GPC5: variants seen among roughly 807,000 people sequenced by gnomAD.
GPC5 encodes the protein glypican 5.
Under a neutral mutation model 53.9 loss-of-function variants are expected in GPC5, and 47 were observed. The observed-to-expected ratio is 0.87, with a 90% CI of 0.69 to 1.11. The LOEUF is 1.11. Among genes scored for constraint, GPC5 ranks in the 50% most tolerant of loss-of-function variants. GPC5 has a pLI of 0.00. For synonymous variants in GPC5, 286 were observed against 263.3 expected, an observed-to-expected ratio of 1.09 and a Z score of -0.84; for missense variants, 748 against 713.1, an observed-to-expected ratio of 1.05 and a Z score of -0.56.
chr13:92,476,582 G>A (rs1879140107), intron 7 of GPC5, among the ~76,000 whole-genome samples: 1 of 150,556 alleles, frequency 6.6e-6, no homozygotes, highest in Non-Finnish European at 1.5e-5. Context: ...CTGCTATAAA[G>A]ACACATGCAC....
At chr13:92,718,257 T>G (rs1413185185) in intron 7 of GPC5, among the ~76,000 whole-genome samples, 1 of 152,112 alleles carries the variant, frequency 6.6e-6, no homozygotes, top group Non-Finnish European at 1.5e-5. Flanking sequence ...ACTACCATGT[T>G]TAGTGCAGCA....
intron 7 of GPC5, among the ~76,000 whole-genome samples, chr13:92,843,225 A>G (rs913740506): frequency 2.6e-5 from 4 of 152,320 alleles, no homozygotes; most frequent in Non-Finnish European, 2.9e-5. Flanking sequence ...ATTTGTATCA[A>G]TCATGAACTT....
At chr13:92,811,326 A>G (rs1474574447) in intron 7 of GPC5, among the ~76,000 whole-genome samples, 1 of 151,912 alleles carries the variant, frequency 6.6e-6, no homozygotes, top group Non-Finnish European at 1.5e-5. Context: ...CACATATTCC[A>G]CCATCGTAAT....
chr13:91,914,956 G>T (rs2139007924), intron 6 of GPC5, among the ~76,000 whole-genome samples: 3 of 152,222 alleles, frequency 2.0e-5, no homozygotes, highest in Middle Eastern at 6.8e-3. Context: ...TGATTGGTCA[G>T]TTGCTAATTG....
chr13:92,183,708 G>A (rs2042163595), intron 7 of GPC5, among the ~76,000 whole-genome samples: 1 of 151,704 alleles, frequency 6.6e-6, no homozygotes, highest in Admixed American at 6.6e-5. Flanking sequence ...ATGTAAATAT[G>A]GTATATTTCT....
At chr13:92,305,588 T>A (rs2043105446) in intron 7 of GPC5, among the ~76,000 whole-genome samples, 2 of 152,086 alleles carry the variant, frequency 1.3e-5, no homozygotes, top group African/African-American at 4.8e-5. Flanking sequence ...TTGAAGAACA[T>A]CATGAAAAAA....
intron 7 of GPC5, among the ~76,000 whole-genome samples, chr13:92,612,388 G>C (rs112105701): frequency 0.015 from 2,225 of 152,030 alleles, 42 homozygotes; most frequent in African/African-American, 0.039. Context: ...CATGGAAAAT[G>C]ATTCAAATCT....
At chr13:92,097,649 A>G (rs1214355520) in intron 6 of GPC5, among the ~76,000 whole-genome samples, 1 of 152,248 alleles carries the variant, frequency 6.6e-6, no homozygotes, top group African/African-American at 2.4e-5. Flanking sequence ...AGCCCATGAT[A>G]TAAAAGGGAG....
intron 7 of GPC5, among the ~76,000 whole-genome samples, chr13:92,553,171 C>A (rs1417345636): frequency 2.6e-5 from 4 of 151,946 alleles, no homozygotes; most frequent in African/African-American, 7.2e-5. Context: ...TCAATAAATA[C>A]AACCTTCAGA....
intron 2 of GPC5, among the ~76,000 whole-genome samples, chr13:91,587,612 A>G (rs567842885): frequency 1.3e-5 from 2 of 152,266 alleles, no homozygotes; most frequent in African/African-American, 4.8e-5. Flanking sequence ...GAAACATTTT[A>G]CAGGTTTCTG....
At chr13:92,076,793 A>C (rs1049850047) in intron 6 of GPC5, among the ~76,000 whole-genome samples, 1 of 152,166 alleles carries the variant, frequency 6.6e-6, no homozygotes. Flanking sequence ...TTGTTGGGGG[A>C]TATATGCATC....
intron 2 of GPC5, among the ~76,000 whole-genome samples, chr13:91,554,377 A>G (rs879487982): frequency 4.0e-5 from 6 of 151,898 alleles, no homozygotes; most frequent in African/African-American, 4.8e-5. Context: ...ACAGACACAG[A>G]CTCACAGACA....
chr13:91,607,958 C>T (rs993401247), intron 2 of GPC5, among the ~76,000 whole-genome samples: 6 of 152,060 alleles, frequency 3.9e-5, no homozygotes, highest in East Asian at 1.9e-4. Context: ...GAGATTCTTT[C>T]GAAGAAGGCT....
At chr13:92,558,972 C>G (rs745907359) in intron 7 of GPC5, among the ~76,000 whole-genome samples, 13 of 151,816 alleles carry the variant, frequency 8.6e-5, no homozygotes, top group Non-Finnish European at 1.6e-4. Flanking sequence ...CAACAGGGAG[C>G]AAGCATCAAA....
At chr13:92,200,793 G>A (rs1295821531) in intron 7 of GPC5, among the ~76,000 whole-genome samples, 2 of 152,160 alleles carry the variant, frequency 1.3e-5, no homozygotes, top group Non-Finnish European at 2.9e-5. Flanking sequence ...CTGGTCAGGT[G>A]GCATCATTAA....
chr13:92,438,203 G>A (rs1015704754), intron 7 of GPC5, among the ~76,000 whole-genome samples: 7 of 151,692 alleles, frequency 4.6e-5, no homozygotes, highest in African/African-American at 1.7e-4. Flanking sequence ...AATACGAGCT[G>A]TATAAGGAAT....
At chr13:91,993,304 C>T (rs1040987546) in intron 6 of GPC5, among the ~76,000 whole-genome samples, 1 of 152,128 alleles carries the variant, frequency 6.6e-6, no homozygotes, top group Non-Finnish European at 1.5e-5. Flanking sequence ...TGCAATTCTA[C>T]ACTTTAAAAT....
intron 2 of GPC5, among the ~76,000 whole-genome samples, chr13:91,592,279 T>C (rs1302271549): frequency 6.6e-6 from 1 of 152,218 alleles, no homozygotes; most frequent in Non-Finnish European, 1.5e-5. Flanking sequence ...GAATAGGCTC[T>C]AATTCAGCTG....
rs1262285993 is a variant in GPC5, at chr13:92,866,761, C to T, written c.*322C>T. On this transcript the variant is annotated 3_prime_UTR_variant, in exon 8 of 8. Transcript: ENST00000377067. ...TGTATCTGTAATTTTATTATCAATT[C>T]CAAGCCCCTTCCTTTCTAAATTAAA... is the stretch of plus-strand genomic sequence containing the variant. 2 of 180,406 alleles carry T rather than the reference C, an allele frequency of 1.1e-5. No homozygotes were observed. The highest frequency in any genetic ancestry group is 2.3e-5 in the Non-Finnish European group (2 of 87,250). The allele number at this position is 180,406 out of a possible 1,614,324, so 11.2% of individuals were successfully genotyped here.
Sources: allele counts gnomAD v4.1 joint callset (sites outside exome capture counted in the v4.1 genomes callset), GRCh38; gene constraint gnomAD v4.1.1; transcripts MANE v1.5; gene names NCBI Gene and HGNC (gene_info 2026-07-23, HGNC 2026-07-21).